The following ZNF83 variants were observed in gnomAD, a reference collection of about 807,000 sequenced individuals.
The protein encoded by ZNF83 is zinc finger protein 83.
For missense variants in ZNF83, 552 were observed against 629.9 expected (o/e 0.88, Z 1.32); for synonymous variants, 209 against 213.0 (o/e 0.98, Z 0.17).
At chr19:52,679,516 C>A (rs1265678779) in intron 1 of ZNF83, among the ~76,000 whole-genome samples, 1 of 152,156 alleles carries the variant, frequency 6.6e-6, no homozygotes, top group African/African-American at 2.4e-5. Flanking sequence ...GAGGCTCAGG[C>A]AGGAGAATTG....
chr19:52,624,864 G>A (rs560512145), intron 2 of ZNF83, among the ~76,000 whole-genome samples: 1 of 152,086 alleles, frequency 6.6e-6, no homozygotes, highest in East Asian at 1.9e-4. Flanking sequence ...CCTCACACCT[G>A]ATGCATATAC....
intron 1 of ZNF83, among the ~76,000 whole-genome samples, chr19:52,671,394 C>T (rs574264078): frequency 2.6e-5 from 4 of 152,066 alleles, no homozygotes; most frequent in Admixed American, 6.5e-5. Context: ...TAAATTCACT[C>T]TATGTGCCTT....
intron 1 of ZNF83, among the ~76,000 whole-genome samples, chr19:52,680,666 G>A (rs1003083416): frequency 3.7e-4 from 48 of 130,574 alleles, no homozygotes; most frequent in Non-Finnish European, 2.8e-4. Context: ...AGGCTGGAGT[G>A]CAGTGGCGCG....
chr19:52,676,569 G>A (rs561806400), intron 1 of ZNF83, among the ~76,000 whole-genome samples: 11 of 151,624 alleles, frequency 7.3e-5, no homozygotes, highest in East Asian at 5.8e-4. Context: ...CTGCCCGGCC[G>A]CCCCTACTGG....
chr19:52,674,470 GAAAT>G (rs897987392), intron 1 of ZNF83, among the ~76,000 whole-genome samples: 9 of 152,052 alleles, frequency 5.9e-5, no homozygotes, highest in African/African-American at 2.2e-4. Flanking sequence ...AAATCAGAAA[GAAAT>G]AAATAAAATT....
At chr19:52,669,466 T>C (rs2061694375) in intron 1 of ZNF83, among the ~76,000 whole-genome samples, 1 of 152,164 alleles carries the variant, frequency 6.6e-6, no homozygotes, top group Admixed American at 6.6e-5. Flanking sequence ...GCTGAGCAAT[T>C]AGGGGCTACC....
Position 52,672,235 on chromosome 19 carries a change from A to AAAAAAT in ZNF83, c.-282-11398_-282-11393dup, listed in dbSNP as rs553004926. On this transcript the variant is annotated intron_variant, in intron 1 of 5. Coordinates refer to the ZNF83 transcript ENST00000594682. ...AGCAAAAGAGTGAGATTCTGTCTCAAAAAAATAAAAATAAAAATAAAATGA... is the reference window on the plus strand; with the variant it reads ...AGCAAAAGAGTGAGATTCTGTCTCAAAAAAATAAAAATAAAAATAAAAATAAAATGA... Among the ~76,000 whole-genome samples the AAAAAAT allele has an allele frequency of 2.7e-3, 404 of 152,322 alleles. 3 individuals are homozygous for AAAAAAT. Among genetic ancestry groups the AAAAAAT allele is most frequent in the Non-Finnish European group, 4.0e-3 (274 of 68,034 alleles).
At chr19:52,624,322 TA>T (rs34525794) in intron 2 of ZNF83, among the ~76,000 whole-genome samples, 34,430 of 152,058 alleles carry the variant, frequency 0.23, 3,936 homozygotes, top group South Asian at 0.28. Flanking sequence ...ATCCATTACC[TA>T]CCTTGGCATA....
intron 3 of ZNF83, chr19:52,652,312 T>C (rs2061452165): frequency 7.8e-6 from 2 of 255,596 alleles, no homozygotes. Flanking sequence ...GGAGCATGCT[T>C]GTAGTCCCAG....
At chr19:52,613,223 G>C (rs61747449) in exon 3 of ZNF83, 16 of 1,613,248 alleles carry the variant, frequency 9.9e-6, no homozygotes, top group African/African-American at 1.3e-5. Flanking sequence ...TGAATTTTCC[G>C]ATGATGTGCT....
intron 1 of ZNF83, among the ~76,000 whole-genome samples, chr19:52,662,471 G>T (rs187940911): frequency 6.0e-4 from 92 of 152,070 alleles, no homozygotes; most frequent in African/African-American, 2.2e-3. Context: ...GAAATGACAC[G>T]ATATGGAAGG....
chr19:52,653,199 A>G (rs1219733853), intron 3 of ZNF83: 4 of 1,529,574 alleles, frequency 2.6e-6, no homozygotes, highest in Non-Finnish European at 3.6e-6. Context: ...ATGACTTCTG[A>G]CTGAAGGTCT....
At chr19:52,635,081 T>C (rs759525520) in exon 2 of ZNF83, 2 of 721,772 alleles carry the variant, frequency 2.8e-6, no homozygotes, top group South Asian at 1.5e-5. Flanking sequence ...GAAGAACCAT[T>C]CCTGACGCCT....
chr19:52,670,466 T>C (rs1481519079), intron 1 of ZNF83, among the ~76,000 whole-genome samples: 1 of 152,198 alleles, frequency 6.6e-6, no homozygotes, highest in African/African-American at 2.4e-5. Flanking sequence ...CAACCTTCTA[T>C]ATAAGTAAAT....
chr19:52,632,144 T>G (rs1235185555), intron 2 of ZNF83, among the ~76,000 whole-genome samples: 1 of 152,186 alleles, frequency 6.6e-6, no homozygotes, highest in Non-Finnish European at 1.5e-5. Flanking sequence ...AATTCCTCAG[T>G]TTGGCCTTCC....
At chr19:52,631,916 C>T (rs1177500194) in intron 2 of ZNF83, among the ~76,000 whole-genome samples, 1 of 139,786 alleles carries the variant, frequency 7.2e-6, no homozygotes, top group Non-Finnish European at 1.5e-5. Flanking sequence ...TATTCTACTA[C>T]TCCTCAGGGA....
chr19:52,624,402 T>G (rs1382657491), intron 2 of ZNF83, among the ~76,000 whole-genome samples: 1 of 152,108 alleles, frequency 6.6e-6, no homozygotes, highest in African/African-American at 2.4e-5. Context: ...CCCCAACCCC[T>G]TCTATAAAAC....
At chr19:52,667,789 C>T (rs966132307) in intron 1 of ZNF83, among the ~76,000 whole-genome samples, 2 of 152,072 alleles carry the variant, frequency 1.3e-5, no homozygotes, top group African/African-American at 4.8e-5. Flanking sequence ...AAAAATCTTA[C>T]CTTATGGTCA....
At chr19:52,633,003 A>C (rs2061023354) in intron 2 of ZNF83, among the ~76,000 whole-genome samples, 1 of 151,938 alleles carries the variant, frequency 6.6e-6, no homozygotes, top group Admixed American at 6.6e-5. Flanking sequence ...ACACTTTACC[A>C]CTATTTCGTT....
Sources: allele counts gnomAD v4.1 joint callset (sites outside exome capture counted in the v4.1 genomes callset), GRCh38; gene constraint gnomAD v4.1.1; transcripts MANE v1.5; gene names NCBI Gene and HGNC (gene_info 2026-07-23, HGNC 2026-07-21).